SLC25A48: variants seen among roughly 807,000 people sequenced by gnomAD.
SLC25A48 encodes CTC-321K16.1.
Under a neutral mutation model 32.2 loss-of-function variants are expected in SLC25A48, and 29 were observed. The observed-to-expected ratio is 0.90, with a 90% confidence interval of 0.67 to 1.23. The LOEUF is 1.23. Among genes scored for constraint, SLC25A48 ranks in the 50% most tolerant of loss-of-function variants. SLC25A48 has a pLI of 0.00. For missense variants in SLC25A48, 399 were observed against 422.7 expected, an observed-to-expected ratio of 0.94 and a Z score of 0.49; for synonymous variants, 164 against 172.3, an observed-to-expected ratio of 0.95 and a Z score of 0.38.
chr5:135,713,784 G>T (rs1754730039), intron 3 of SLC25A48, among the ~76,000 whole-genome samples: 1 of 152,192 alleles, frequency 6.6e-6, no homozygotes. Flanking sequence ...CTACTCTGGT[G>T]GGGCAGAGAA....
intron 3 of SLC25A48, among the ~76,000 whole-genome samples, chr5:135,741,213 C>G (rs1359165399): frequency 1.3e-5 from 2 of 152,122 alleles, no homozygotes; most frequent in Admixed American, 1.3e-4. Context: ...GGGTGTCTGA[C>G]TCCAAAGTAT....
chr5:135,717,824 C>T (rs1359423554), intron 3 of SLC25A48, among the ~76,000 whole-genome samples: 7 of 152,182 alleles, frequency 4.6e-5, no homozygotes, highest in Non-Finnish European at 1.0e-4. Flanking sequence ...GAATACAGTT[C>T]TGTTCTTTGA....
At chr5:135,720,609 T>C (rs765772409) in intron 3 of SLC25A48, among the ~76,000 whole-genome samples, 15 of 152,218 alleles carry the variant, frequency 9.9e-5, no homozygotes, top group Non-Finnish European at 2.2e-4. Context: ...GTTGATGCTG[T>C]GGCTCCCGAT....
At chr5:135,596,186 G>A (rs990471469) in intron 1 of SLC25A48, among the ~76,000 whole-genome samples, 1 of 152,206 alleles carries the variant, frequency 6.6e-6, no homozygotes, top group Admixed American at 6.5e-5. Context: ...AAAAGATTCT[G>A]TGAACATTCT....
chr5:135,637,071 C>A (rs1279105508), intron 3 of SLC25A48, among the ~76,000 whole-genome samples: 3 of 152,186 alleles, frequency 2.0e-5, no homozygotes, highest in African/African-American at 7.2e-5. Context: ...GTTTAATAGC[C>A]ATTTAGATTT....
intron 7 of SLC25A48, among the ~76,000 whole-genome samples, chr5:135,885,292 T>C (rs538160875): frequency 1.3e-5 from 2 of 152,246 alleles, no homozygotes; most frequent in African/African-American, 4.8e-5. Flanking sequence ...AATGGGCATT[T>C]AAATGTTGCT....
rs565789429 is a variant in SLC25A48 at position 135,622,028 on chromosome 5, C to T, written c.-848-7209C>T. 3.3e-5 allele frequency among the ~76,000 whole-genome samples: 5 copies of T among 152,114 alleles called. No homozygotes were observed. The South Asian group carries it at 8.3e-4, about 25-fold the overall frequency. ...GCATGATAGAAAAAAGGGCAAAGGA[C>T]ATAAATAACCAAACCATAAAAGAAG... On this transcript the variant is annotated intron_variant, in intron 1 of 10. Transcript: ENST00000646290.
chr5:135,606,538 G>A (rs879466226), intron 1 of SLC25A48, among the ~76,000 whole-genome samples: 23 of 152,074 alleles, frequency 1.5e-4, no homozygotes, highest in Non-Finnish European at 3.1e-4. Flanking sequence ...CAGCATTGTC[G>A]GGTCTGTTTC....
intron 7 of SLC25A48, among the ~76,000 whole-genome samples, chr5:135,887,578 C>T (rs368449518): frequency 6.6e-6 from 1 of 152,178 alleles, no homozygotes; most frequent in African/African-American, 2.4e-5. Flanking sequence ...CAACTAAACC[C>T]TCCGCAGGAA....
At position 135,705,058 on chromosome 5, in the gene SLC25A48, G is replaced by T. The variant is rs1369693612; in HGVS notation, c.-521+70102G>T. ...AAGCAAAGATGACCTGGGACAGGGA[G>T]GGATTGGTCACTGTCTCTTGGGTCC... On this transcript the variant is annotated intron_variant, in intron 3 of 10. Coordinates refer to the SLC25A48 transcript ENST00000646290. 3.3e-5 allele frequency among the ~76,000 whole-genome samples: 5 copies of T among 152,220 alleles called. No homozygotes were observed. In the South Asian group the frequency reaches 6.2e-4, roughly 19 times the overall value.
chr5:135,623,752 T>C (rs957189274), intron 1 of SLC25A48, among the ~76,000 whole-genome samples: 3 of 152,232 alleles, frequency 2.0e-5, no homozygotes, highest in Non-Finnish European at 4.4e-5. Context: ...TTGTGGCCTT[T>C]CTGTTCTCCC....
intron 3 of SLC25A48, among the ~76,000 whole-genome samples, chr5:135,642,190 G>T (rs1192434340): frequency 6.6e-6 from 1 of 152,348 alleles, no homozygotes. Context: ...TGTCATAGTG[G>T]TGTTTGGTTT....
intron 3 of SLC25A48, among the ~76,000 whole-genome samples, chr5:135,638,976 C>T (rs566609748): frequency 1.3e-5 from 2 of 152,272 alleles, no homozygotes; most frequent in Admixed American, 1.3e-4. Flanking sequence ...TTTGCTCTCA[C>T]CTTCTTCTTC....
intron 3 of SLC25A48, among the ~76,000 whole-genome samples, chr5:135,799,307 A>T (rs1030818223): frequency 6.6e-6 from 1 of 151,516 alleles, no homozygotes; most frequent in Admixed American, 6.6e-5. Context: ...GGGCAGATGT[A>T]CTCCCTCCCT....
At chr5:135,660,745 T>C (rs974782835) in intron 3 of SLC25A48, among the ~76,000 whole-genome samples, 6 of 32,518 alleles carry the variant, frequency 1.8e-4, no homozygotes, top group East Asian at 1.9e-3. Flanking sequence ...TCTCAAGCTT[T>C]CGTGTCATAC....
intron 3 of SLC25A48, among the ~76,000 whole-genome samples, chr5:135,739,409 G>C (rs1441676532): frequency 6.6e-6 from 1 of 152,142 alleles, no homozygotes; most frequent in Non-Finnish European, 1.5e-5. Flanking sequence ...TGCTACAGAG[G>C]CTCCTCCTGC....
At chr5:135,872,113 TC>T in intron 5 of SLC25A48, 1 of 808,392 alleles carries the variant, frequency 1.2e-6, no homozygotes, top group Non-Finnish European at 1.7e-6. Context: ...AAAACTCAGG[TC>T]CAGAAATGTT....
At chr5:135,849,211 T>A (rs1759643583) in intron 2 of SLC25A48, among the ~76,000 whole-genome samples, 1 of 152,208 alleles carries the variant, frequency 6.6e-6, no homozygotes, top group Non-Finnish European at 1.5e-5. Context: ...TCTACAGAGC[T>A]GATCTCAGGC....
chr5:135,598,290 C>A (rs1348333940), intron 1 of SLC25A48, among the ~76,000 whole-genome samples: 1 of 152,216 alleles, frequency 6.6e-6, no homozygotes, highest in Non-Finnish European at 1.5e-5. Context: ...GCTTCCCTTA[C>A]CCAGTGGTTC....
Sources: allele counts gnomAD v4.1 joint callset (sites outside exome capture counted in the v4.1 genomes callset), GRCh38; gene constraint gnomAD v4.1.1; transcripts MANE v1.5; gene names NCBI Gene and HGNC (gene_info 2026-07-23, HGNC 2026-07-21).